The following ANKRD6 variants were observed in gnomAD, a reference collection of about 807,000 sequenced individuals.
ANKRD6 encodes ankyrin repeat domain-containing protein 6.
In ANKRD6, 56 loss-of-function variants were observed where a neutral mutation model predicts 82.3. The observed-to-expected ratio is 0.68, with a 90% CI of 0.55 to 0.85. The LOEUF (loss-of-function observed/expected upper bound fraction) is 0.85, where lower values mean the gene tolerates loss of function less well. Among genes scored for constraint, ANKRD6 ranks in the 40% least tolerant of loss-of-function variants. ANKRD6 has a pLI of 0.00. For missense variants in ANKRD6, 852 were observed against 907.6 expected (o/e 0.94, Z 0.79); for synonymous variants, 347 against 352.1 (o/e 0.99, Z 0.16).
chr6:89,606,795 A>G (rs562331139), intron 5 of ANKRD6, among the ~76,000 whole-genome samples: 43 of 150,952 alleles, frequency 2.8e-4, no homozygotes, highest in African/African-American at 1.0e-3. Flanking sequence ...AGCAGAGGTT[A>G]CAGTGAGCCA....
intron 1 of ANKRD6, among the ~76,000 whole-genome samples, chr6:89,556,290 A>C (rs1390454566): frequency 6.6e-6 from 1 of 152,244 alleles, no homozygotes; most frequent in Non-Finnish European, 1.5e-5. Context: ...GCCCTCTAAG[A>C]TCCAGACAGA....
intron 1 of ANKRD6, among the ~76,000 whole-genome samples, chr6:89,549,913 T>TAA (rs199886123): frequency 5.9e-5 from 8 of 135,980 alleles, no homozygotes; most frequent in African/African-American, 2.0e-4. Flanking sequence ...TGTGTCTCTT[T>TAA]AAAAAAAAGA....
At position 89,631,845 on chromosome 6, in the gene ANKRD6, A is replaced by G. The variant is rs1219799415; in HGVS notation, c.*841A>G. 2 of 152,124 alleles carry G rather than the reference A, an allele frequency of 1.3e-5. No homozygotes were observed. Among genetic ancestry groups the G allele is most frequent in the East Asian group, 1.9e-4 (1 of 5,200 alleles). 9.4% of individuals were successfully genotyped at this position (152,124 alleles called of 1,614,324 possible). ...ATCAGAATACCTTTCTGAATTTGAG[A>G]TTTTTGCTCTACATTTTATAATGAA... is the stretch of plus-strand genomic sequence containing the variant. On this transcript the variant is annotated 3_prime_UTR_variant, in exon 16 of 16. Coordinates refer to ENST00000339746, the MANE Select transcript of ANKRD6 (RefSeq NM_001242809.2).
intron 11 of ANKRD6, 78 bp downstream of exon 11, chr6:89,623,622 A>C: frequency 6.6e-7 from 1 of 1,511,572 alleles, no homozygotes; most frequent in Non-Finnish European, 8.8e-7. Context: ...CGTCATGCCC[A>C]TCAGCTAAAA....
intron 2 of ANKRD6, among the ~76,000 whole-genome samples, chr6:89,590,950 A>G (rs535359940): frequency 6.6e-6 from 1 of 152,308 alleles, no homozygotes; most frequent in Non-Finnish European, 1.5e-5. Context: ...CCAAGCGTTC[A>G]ATAAATTCTG....
At chr6:89,580,513 C>T (rs560771316) in intron 2 of ANKRD6, among the ~76,000 whole-genome samples, 3 of 152,196 alleles carry the variant, frequency 2.0e-5, no homozygotes, top group South Asian at 4.1e-4. Flanking sequence ...TTCAAGAGAA[C>T]GCTGGAAGTC....
At chr6:89,504,582 AATT>A (rs59864485) in intron 1 of ANKRD6, among the ~76,000 whole-genome samples, 1,757 of 152,060 alleles carry the variant, frequency 0.012, 33 homozygotes, top group African/African-American at 0.04. Flanking sequence ...AAAAAAAAAA[AATT>A]ATAGCGATGT....
At position 89,632,605 on chromosome 6, in the gene ANKRD6, T is replaced by G. The variant is rs375794284; in HGVS notation, c.*1601T>G. 2 of 152,174 alleles carry G rather than the reference T, an allele frequency of 1.3e-5. No individual in the cohort carries two copies. The allele number at this position is 152,174 out of a possible 1,614,324, so 9.4% of individuals were successfully genotyped here. Reference sequence around the variant, plus strand: ...GCTAATTTTTTGTAGATATAAGGTCTCATGATATTGCCCAGGCTGAATTTG... The same window carrying G: ...GCTAATTTTTTGTAGATATAAGGTCGCATGATATTGCCCAGGCTGAATTTG... On this transcript the variant is annotated 3_prime_UTR_variant, in exon 16 of 16. Transcript: ENST00000339746.
At chr6:89,541,638 T>C (rs1197379019) in intron 1 of ANKRD6, among the ~76,000 whole-genome samples, 1 of 151,886 alleles carries the variant, frequency 6.6e-6, no homozygotes, top group Non-Finnish European at 1.5e-5. Context: ...GTGATCCGCC[T>C]GCCTCGGCCC....
intron 6 of ANKRD6, among the ~76,000 whole-genome samples, chr6:89,613,023 C>T (rs1004463120): frequency 1.3e-5 from 2 of 152,160 alleles, no homozygotes; most frequent in African/African-American, 4.8e-5. Context: ...AGCTTGGTTC[C>T]GTCTTAATGC....
chr6:89,531,420 C>T (rs1029207063), intron 1 of ANKRD6, among the ~76,000 whole-genome samples: 11 of 152,220 alleles, frequency 7.2e-5, no homozygotes, highest in Non-Finnish European at 1.6e-4. Context: ...CATTAATATC[C>T]AACCATGTGG....
intron 3 of ANKRD6, among the ~76,000 whole-genome samples, chr6:89,596,239 C>G (rs2128154606): frequency 6.6e-6 from 1 of 152,164 alleles, no homozygotes; most frequent in East Asian, 1.9e-4. Context: ...GGTTCTCCAT[C>G]ATGGTTCACT....
intron 2 of ANKRD6, among the ~76,000 whole-genome samples, chr6:89,584,193 G>T (rs1337659569): frequency 6.6e-6 from 1 of 152,176 alleles, no homozygotes; most frequent in African/African-American, 2.4e-5. Flanking sequence ...AAATGCGTTG[G>T]AGGATTGCTG....
intron 10 of ANKRD6, 57 bp downstream of exon 10, chr6:89,622,083 C>T (rs1803588340): frequency 6.6e-6 from 10 of 1,521,434 alleles, no homozygotes; most frequent in Non-Finnish European, 8.1e-6. Context: ...GGGTGGGAAA[C>T]TATCTCCCTG....
chr6:89,508,246 A>G (rs904597198), intron 1 of ANKRD6, among the ~76,000 whole-genome samples: 1 of 152,204 alleles, frequency 6.6e-6, no homozygotes, highest in Non-Finnish European at 1.5e-5. Flanking sequence ...GCAGTCTAAG[A>G]CATTGGCTAG....
chr6:89,513,477 C>T (rs760390899), intron 1 of ANKRD6, among the ~76,000 whole-genome samples: 14 of 152,110 alleles, frequency 9.2e-5, no homozygotes, highest in Non-Finnish European at 1.5e-4. Flanking sequence ...ATGGCATATC[C>T]TTTTTGTATC....
chr6:89,437,471 C>G (rs551105350), intron 1 of ANKRD6, among the ~76,000 whole-genome samples: 1 of 152,300 alleles, frequency 6.6e-6, no homozygotes, highest in Admixed American at 6.5e-5. Context: ...TGCCACATCT[C>G]TCTGTGCCCT....
chr6:89,589,816 C>T (rs1209289966), intron 2 of ANKRD6, among the ~76,000 whole-genome samples: 1 of 152,226 alleles, frequency 6.6e-6, no homozygotes, highest in African/African-American at 2.4e-5. Flanking sequence ...TGTTGCTTCG[C>T]AACATCTCAA....
At chr6:89,580,048 T>C (rs913248275) in intron 2 of ANKRD6, among the ~76,000 whole-genome samples, 1 of 152,146 alleles carries the variant, frequency 6.6e-6, no homozygotes, top group African/African-American at 2.4e-5. Context: ...TGGGAAATTA[T>C]TGACTGCAAA....
Sources: allele counts gnomAD v4.1 joint callset (sites outside exome capture counted in the v4.1 genomes callset), GRCh38; gene constraint gnomAD v4.1.1; transcripts MANE v1.5; gene names NCBI Gene and HGNC (gene_info 2026-07-23, HGNC 2026-07-21).